Variants in RAI14 observed in about 807,000 individuals in gnomAD.
RAI14 encodes the protein ankycorbin.
In RAI14, 45 loss-of-function variants were observed where a neutral mutation model predicts 115.4. The ratio of observed to expected loss-of-function variants is 0.39; its 90% CI spans 0.31 to 0.50. RAI14 has a LOEUF of 0.50. Ranked by LOEUF, RAI14 falls within the 20% of genes least tolerant of loss-of-function variation. RAI14 has a pLI of 0.85. For synonymous variants in RAI14, 371 were observed against 415.4 expected (o/e 0.89, Z 1.30); for missense variants, 939 against 1,131.2 (o/e 0.83, Z 2.44).
intron 3 of RAI14, among the ~76,000 whole-genome samples, chr5:34,780,625 C>T (rs1344670508): frequency 6.6e-6 from 1 of 152,166 alleles, no homozygotes; most frequent in East Asian, 1.9e-4. Flanking sequence ...TGAAAAAATG[C>T]TCATCATCAC....
intron 3 of RAI14, 102 bp downstream of exon 3, chr5:34,757,700 C>G: frequency 7.3e-7 from 1 of 1,377,672 alleles, no homozygotes; most frequent in Admixed American, 2.5e-5. Context: ...TGCTCCCTCT[C>G]CACTCCCATG....
At position 34,794,825 on chromosome 5, in the gene RAI14, A is replaced by G. The variant is rs915763117; in HGVS notation, c.168-1114A>G. 2.6e-5 allele frequency among the ~76,000 whole-genome samples: 4 copies of G among 152,202 alleles called. No individual in the cohort carries two copies. The South Asian group carries it at 8.3e-4, about 32-fold the overall frequency. ...CTGGAATCAGACCAACTTGGGTTTAAATATCAGCTATCGGACTTTCCAGTT... is the reference window on the plus strand; with the variant it reads ...CTGGAATCAGACCAACTTGGGTTTAGATATCAGCTATCGGACTTTCCAGTT... On this transcript the variant is annotated intron_variant, in intron 3 of 17. Coordinates refer to ENST00000265109, the MANE Select transcript of RAI14 (RefSeq NM_015577.3).
intron 2 of RAI14, among the ~76,000 whole-genome samples, chr5:34,746,189 T>A (rs1041643867): frequency 6.8e-6 from 1 of 146,018 alleles, no homozygotes; most frequent in African/African-American, 2.5e-5. Flanking sequence ...CACTGCAAGC[T>A]CCGCCTCCCG....
rs140806558 is a variant in RAI14 at position 34,743,837 on chromosome 5, C to T, written c.37-13631C>T. On this transcript the variant is annotated intron_variant, in intron 2 of 17. Transcript: ENST00000265109. ...CAGAGAAAATACAGATTAATTAGCA[C>T]TCACGTAGAATTTATAACTTGAAGG... Among the ~76,000 whole-genome samples the T allele has an allele frequency of 2.6e-5, 4 of 152,344 alleles. No individual in the cohort carries two copies. The East Asian group carries it at 5.8e-4, about 22-fold the overall frequency.
At chr5:34,751,852 C>T (rs1027471886) in intron 2 of RAI14, among the ~76,000 whole-genome samples, 7 of 152,192 alleles carry the variant, frequency 4.6e-5, no homozygotes, top group Non-Finnish European at 7.3e-5. Context: ...TCTTCACAGG[C>T]CTGCTTCCTT....
chr5:34,711,319 C>G lies in RAI14; in HGVS notation c.36+24364C>G, dbSNP rs1228636897. Among the ~76,000 whole-genome samples, 14 of 151,210 alleles carry G rather than the reference C, an allele frequency of 9.3e-5. No individual in the cohort carries two copies. In the East Asian group the frequency reaches 2.7e-3, roughly 29 times the overall value. Reference sequence around the variant, plus strand: ...AATGTTTTGCCGGCAGGGGGTGGATCTCACAAAGTACATTCTCAAGGGTGG... The same window carrying G: ...AATGTTTTGCCGGCAGGGGGTGGATGTCACAAAGTACATTCTCAAGGGTGG... On this transcript the variant is annotated intron_variant, in intron 2 of 17. Transcript: ENST00000265109.
intron 1 of RAI14, among the ~76,000 whole-genome samples, chr5:34,683,913 G>C (rs1296359313): frequency 2.6e-5 from 4 of 152,164 alleles, no homozygotes; most frequent in Non-Finnish European, 5.9e-5. Context: ...ATTTTTAGCA[G>C]AGACGGGGTT....
At chr5:34,795,182 C>T (rs896009771) in intron 3 of RAI14, among the ~76,000 whole-genome samples, 9 of 152,152 alleles carry the variant, frequency 5.9e-5, no homozygotes, top group African/African-American at 1.7e-4. Context: ...TGGATGTTAT[C>T]CCTTCTTCTA....
At chr5:34,691,381 A>G (rs1579922433) in intron 2 of RAI14, among the ~76,000 whole-genome samples, 1 of 152,222 alleles carries the variant, frequency 6.6e-6, no homozygotes, top group African/African-American at 2.4e-5. Flanking sequence ...GCGAGCGCAG[A>G]GTTCTCAGTC....
At chr5:34,780,830 G>C (rs2150159374) in intron 3 of RAI14, among the ~76,000 whole-genome samples, 1 of 152,268 alleles carries the variant, frequency 6.6e-6, no homozygotes, top group East Asian at 1.9e-4. Flanking sequence ...CAAGGATCTA[G>C]AACTAGAAAT....
intron 3 of RAI14, among the ~76,000 whole-genome samples, chr5:34,760,171 C>A (rs1748438008): frequency 6.6e-6 from 1 of 152,108 alleles, no homozygotes; most frequent in African/African-American, 2.4e-5. Flanking sequence ...GCCTCAGCCT[C>A]CCGAGTAGCT....
chr5:34,825,491 TACTCCTAG>T (rs1757343521), intron 15 of RAI14, among the ~76,000 whole-genome samples: 1 of 152,126 alleles, frequency 6.6e-6, no homozygotes, highest in Admixed American at 6.6e-5. Flanking sequence ...GAAACTAAAA[TACTCCTAG>T]ACTTAATCCT....
chr5:34,804,489 C>T (rs549098407), intron 5 of RAI14, among the ~76,000 whole-genome samples: 1 of 152,322 alleles, frequency 6.6e-6, no homozygotes, highest in East Asian at 1.9e-4. Context: ...TTTGCTTGTA[C>T]TGTCTGTTCT....
intron 1 of RAI14, among the ~76,000 whole-genome samples, chr5:34,683,466 A>G (rs937388447): frequency 2.0e-5 from 3 of 152,010 alleles, no homozygotes; most frequent in Admixed American, 6.6e-5. Flanking sequence ...AGACAAATAC[A>G]CAGAAAAACT....
intron 2 of RAI14, among the ~76,000 whole-genome samples, chr5:34,755,703 G>A (rs193203227): frequency 6.6e-5 from 10 of 152,322 alleles, no homozygotes; most frequent in South Asian, 2.1e-4. Flanking sequence ...ACAAATCCTG[G>A]TTAAGAATCA....
intron 2 of RAI14, among the ~76,000 whole-genome samples, chr5:34,692,486 A>T (rs542359689): frequency 2.6e-5 from 4 of 152,274 alleles, no homozygotes; most frequent in Admixed American, 1.3e-4. Flanking sequence ...GTGAGCCGAG[A>T]TCACGCCACT....
At chr5:34,828,428 C>T (rs1201788301) in intron 16 of RAI14, among the ~76,000 whole-genome samples, 1 of 152,016 alleles carries the variant, frequency 6.6e-6, no homozygotes, top group Non-Finnish European at 1.5e-5. Context: ...GAAGCCAGAT[C>T]AGAAGATAAA....
At chr5:34,677,163 TTTTTTTTTTTTTTTTTTTTGAGA>T (rs1259366214) in intron 1 of RAI14, among the ~76,000 whole-genome samples, 2 of 11,272 alleles carry the variant, frequency 1.8e-4, no homozygotes, top group Non-Finnish European at 4.0e-4. Flanking sequence ...ACATTTCTAT[TTTTTTTTTTTTTTTTTTTTGAGA>T]CACAGTTTCA....
At chr5:34,811,998 C>G in intron 9 of RAI14, 53 bp downstream of exon 9, 1 of 1,467,716 alleles carries the variant, frequency 6.8e-7, no homozygotes. Flanking sequence ...CTCCATTTTC[C>G]CCAAAGGATA....
Sources: allele counts gnomAD v4.1 joint callset (sites outside exome capture counted in the v4.1 genomes callset), GRCh38; gene constraint gnomAD v4.1.1; transcripts MANE v1.5; gene names NCBI Gene and HGNC (gene_info 2026-07-23, HGNC 2026-07-21).